The following CSMD1 variants were observed in gnomAD, a reference collection of about 807,000 sequenced individuals.
CSMD1 encodes the protein CUB and Sushi multiple domains 1.
Under a neutral mutation model 417.5 loss-of-function variants are expected in CSMD1, and 213 were observed. The observed-to-expected ratio is 0.51, with a 90% CI of 0.46 to 0.57. The LOEUF (loss-of-function observed/expected upper bound fraction) is 0.57. Ranked by LOEUF, CSMD1 falls within the 20% of genes least tolerant of loss-of-function variation. The pLI is 0.00. For missense variants in CSMD1, 6,923 were observed against 4,529.7 expected (o/e 1.53, Z -15.17); for synonymous variants, 2,862 against 1,736.8 (o/e 1.65, Z -16.11).
intron 10 of CSMD1, among the ~76,000 whole-genome samples, chr8:3,507,713 G>C (rs1796888215): frequency 6.6e-6 from 1 of 152,176 alleles, no homozygotes; most frequent in East Asian, 1.9e-4. Context: ...GGTATGAGAT[G>C]GTATCTCACT....
chr8:4,743,493 A>G (rs1810755406), intron 1 of CSMD1, among the ~76,000 whole-genome samples: 1 of 152,166 alleles, frequency 6.6e-6, no homozygotes, highest in South Asian at 2.1e-4. Flanking sequence ...CGGAGCGTCA[A>G]GTACCATGAA....
chr8:3,941,928 G>T (rs1008109143), intron 5 of CSMD1, among the ~76,000 whole-genome samples: 3 of 152,074 alleles, frequency 2.0e-5, no homozygotes, highest in African/African-American at 7.2e-5. Context: ...GTGAGCAGTG[G>T]GCCAGCTAGC....
At chr8:4,290,789 A>T (rs1395052612) in intron 3 of CSMD1, among the ~76,000 whole-genome samples, 1 of 152,158 alleles carries the variant, frequency 6.6e-6, no homozygotes, top group Non-Finnish European at 1.5e-5. Flanking sequence ...TTTTTTGGTA[A>T]GCTTTTACTT....
intron 1 of CSMD1, among the ~76,000 whole-genome samples, chr8:4,948,087 T>C (rs1808487530): frequency 6.6e-6 from 1 of 152,078 alleles, no homozygotes; most frequent in African/African-American, 2.4e-5. Context: ...CATTAATTTT[T>C]TTTTAAGTGC....
rs374441217 is a variant in CSMD1 at position 3,162,201 on chromosome 8, G to A, written c.5802C>T (p.Asn1934=). The A allele has an allele frequency of 3.4e-5, 54 of 1,610,910 alleles. No individual in the cohort carries two copies. Among genetic ancestry groups the A allele is most frequent in the Admixed American group, 1.5e-4 (9 of 59,740 alleles). The stretch of plus-strand genomic sequence containing the variant: ...GCTCGCACTGGAAGGAGAGCACGTC[G>A]TTCACCATGTACCGATCTCCGATTT... ...SIKIGDRYMV[N]DVLSFQCEPG... is the part of the protein sequence containing the mutation. Residue 1934 remains asparagine (N), a synonymous_variant, in exon 38 of 70, where the codon AAC becomes AAT. Coordinates refer to ENST00000635120, the MANE Select transcript of CSMD1 (RefSeq NM_033225.6).
chr8:3,554,721 G>A (rs1334481930), intron 10 of CSMD1, among the ~76,000 whole-genome samples: 1 of 152,170 alleles, frequency 6.6e-6, no homozygotes, highest in Non-Finnish European at 1.5e-5. Flanking sequence ...AATGTTGAGA[G>A]CTTCAGAACT....
At position 3,308,332 on chromosome 8, in the gene CSMD1, T is replaced by C; in HGVS notation, c.3803A>G (p.Lys1268Arg). The change falls in exon 24 of 70, where the codon AAA becomes AGA. Residue 1268 changes from lysine to arginine, a missense_variant. Coordinates refer to ENST00000635120, the MANE Select transcript of CSMD1 (RefSeq NM_033225.6). ...CLSGDRRVWD[K>R]PLPSCIAECG... ...CTCACCTATGCACGAAGGTAGTGGTTTGTCCCACACTCTCCTGTCTCCACT... is the reference window on the plus strand; with the variant it reads ...CTCACCTATGCACGAAGGTAGTGGTCTGTCCCACACTCTCCTGTCTCCACT... The C allele has an allele frequency of 6.2e-7, 1 of 1,611,326 alleles. No homozygotes were observed. Among genetic ancestry groups the C allele is most frequent in the Non-Finnish European group, 8.5e-7 (1 of 1,178,128 alleles).
intron 2 of CSMD1, among the ~76,000 whole-genome samples, chr8:4,609,792 A>G (rs1801069178): frequency 6.6e-6 from 1 of 152,194 alleles, no homozygotes; most frequent in South Asian, 2.1e-4. Flanking sequence ...AAACAAATCC[A>G]GATTATGGTG....
chr8:3,011,765 A>G (rs1808399938), intron 52 of CSMD1, among the ~76,000 whole-genome samples: 2 of 152,204 alleles, frequency 1.3e-5, no homozygotes, highest in Admixed American at 1.3e-4. Flanking sequence ...AGTCTAAATG[A>G]TGTAAATGTT....
chr8:4,329,575 A>T (rs1167523111), intron 3 of CSMD1, among the ~76,000 whole-genome samples: 6 of 152,158 alleles, frequency 3.9e-5, no homozygotes, highest in African/African-American at 1.4e-4. Context: ...GGTGTGAGCC[A>T]CCGCACGTTG....
chr8:3,632,328 T>C (rs752755418), intron 7 of CSMD1, among the ~76,000 whole-genome samples: 41 of 152,162 alleles, frequency 2.7e-4, no homozygotes, highest in Non-Finnish European at 4.7e-4. Context: ...TTCGCCTTCT[T>C]GGACCTTCAG....
intron 2 of CSMD1, among the ~76,000 whole-genome samples, chr8:4,464,144 C>G (rs567110748): frequency 3.4e-5 from 5 of 146,572 alleles, no homozygotes; most frequent in Non-Finnish European, 7.5e-5. Context: ...GCTTATCCCT[C>G]CAGCTGGAAT....
At chr8:3,508,467 TGC>T (rs1585274513) in intron 10 of CSMD1, among the ~76,000 whole-genome samples, 2 of 151,596 alleles carry the variant, frequency 1.3e-5, no homozygotes, top group East Asian at 3.9e-4. Context: ...GTAACAAACC[TGC>T]ATGTTGTGCA....
Position 3,188,918 on chromosome 8 carries a change from T to C in CSMD1, c.5492A>G (p.Lys1831Arg), listed in dbSNP as rs1351016535. ...TCCCGAGCCCTCCGTAACTATGATC[T>C]TCCATATACAGTTCAAGTTGTTTCC... ...PYGNNLNCIW[K>R]IIVTEGSGIQ... is the part of the protein sequence containing the mutation. The change falls in exon 35 of 70, where the codon AAG becomes AGG. Residue 1831 changes from lysine (K) to arginine (R), a missense_variant. Transcript: ENST00000635120. 1.9e-6 allele frequency: 3 copies of C among 1,599,504 alleles called. No homozygotes were observed. Among genetic ancestry groups the C allele is most frequent in the South Asian group, 1.1e-5 (1 of 88,092 alleles).
chr8:4,715,405 T>A (rs1008201717), intron 1 of CSMD1, among the ~76,000 whole-genome samples: 2 of 152,328 alleles, frequency 1.3e-5, no homozygotes, highest in Admixed American at 1.3e-4. Flanking sequence ...GTAAAACAGA[T>A]ACCTTTATTC....
At chr8:4,007,412 G>C (rs894198271) in intron 4 of CSMD1, among the ~76,000 whole-genome samples, 1 of 152,136 alleles carries the variant, frequency 6.6e-6, no homozygotes, top group Non-Finnish European at 1.5e-5. Flanking sequence ...CCTGCCCTAA[G>C]GCCTTTGCAA....
chr8:3,531,571 C>A (rs1413171968), intron 10 of CSMD1, among the ~76,000 whole-genome samples: 1 of 152,154 alleles, frequency 6.6e-6, no homozygotes, highest in African/African-American at 2.4e-5. Flanking sequence ...GCCATGCAGT[C>A]CAGGTTCCAT....
In CSMD1 at chr8:4,038,918, T is replaced by TATGGTGGC. The variant is rs1367654589; in HGVS notation, c.416-6820_416-6819insGCCACCAT. 2.6e-5 allele frequency among the ~76,000 whole-genome samples: 4 copies of TATGGTGGC among 152,182 alleles called. No individual in the cohort carries two copies. The East Asian group carries it at 5.8e-4, about 22-fold the overall frequency. On this transcript the variant is annotated intron_variant, in intron 3 of 69. Transcript: ENST00000635120. Reference sequence around the variant, plus strand: ...ACACGAAAATTCCCTCCGTAACACTTAATTTGGCAAGTACATATGGTCACA... The same window carrying TATGGTGGC: ...ACACGAAAATTCCCTCCGTAACACTTATGGTGGCAATTTGGCAAGTACATATGGTCACA...
At chr8:4,671,241 C>T (rs1389048418) in intron 1 of CSMD1, among the ~76,000 whole-genome samples, 2 of 152,136 alleles carry the variant, frequency 1.3e-5, no homozygotes, top group African/African-American at 4.8e-5. Context: ...CCATTGAAGT[C>T]ATTAGATAAT....
Sources: allele counts gnomAD v4.1 joint callset (sites outside exome capture counted in the v4.1 genomes callset), GRCh38; gene constraint gnomAD v4.1.1; transcripts MANE v1.5; gene names NCBI Gene and HGNC (gene_info 2026-07-23, HGNC 2026-07-21).